Variants in DNAJC6 observed in about 807,000 individuals in gnomAD.
DNAJC6 encodes auxilin.
A neutral mutation model predicts 110.0 loss-of-function variants in DNAJC6; 34 were observed. The observed-to-expected ratio is 0.31, with a 90% CI of 0.24 to 0.41. The LOEUF (loss-of-function observed/expected upper bound fraction) is 0.41. Among genes scored for constraint, DNAJC6 ranks in the 10% least tolerant of loss-of-function variants. The pLI is 1.00. For missense variants in DNAJC6, 1,031 were observed against 1,207.8 expected (o/e 0.85, Z 2.17); for synonymous variants, 406 against 437.2 (o/e 0.93, Z 0.89).
At chr1:65,386,330 T>C (rs1164876309) in intron 7 of DNAJC6, among the ~76,000 whole-genome samples, 3 of 152,114 alleles carry the variant, frequency 2.0e-5, no homozygotes, top group African/African-American at 7.2e-5. Flanking sequence ...TGGGTGGTCA[T>C]AGGGGATGTG....
At chr1:65,300,043 C>CAAAAAAA (rs59681451) in intron 1 of DNAJC6, among the ~76,000 whole-genome samples, 4 of 112,042 alleles carry the variant, frequency 3.6e-5, no homozygotes, top group Admixed American at 8.8e-5. Flanking sequence ...AACTCCATCT[C>CAAAAAAA]AAAAAAAAAA....
intron 1 of DNAJC6, among the ~76,000 whole-genome samples, chr1:65,271,843 C>T (rs1653516055): frequency 6.7e-6 from 1 of 148,622 alleles, no homozygotes; most frequent in South Asian, 2.2e-4. Flanking sequence ...TACACTCCAG[C>T]CTGGGCAACA....
intron 15 of DNAJC6, 135 bp from the exon 16 acceptor site, chr1:65,405,735 A>G: frequency 9.6e-7 from 1 of 1,037,664 alleles, no homozygotes; most frequent in Non-Finnish European, 1.4e-6. Context: ...CAATTGCTTT[A>G]TCTATATTAG....
At chr1:65,403,665 T>C (rs1354903705) in intron 15 of DNAJC6, among the ~76,000 whole-genome samples, 5 of 152,208 alleles carry the variant, frequency 3.3e-5, no homozygotes, top group East Asian at 1.9e-4. Context: ...ACAATCAAGG[T>C]TGAGAACTAC....
intron 1 of DNAJC6, among the ~76,000 whole-genome samples, chr1:65,340,511 G>T (rs1645379524): frequency 6.6e-6 from 1 of 152,168 alleles, no homozygotes; most frequent in African/African-American, 2.4e-5. Flanking sequence ...TAGTGAAAGG[G>T]CATGAGATTT....
At chr1:65,319,365 G>T (rs907983115) in intron 1 of DNAJC6, among the ~76,000 whole-genome samples, 1 of 152,222 alleles carries the variant, frequency 6.6e-6, no homozygotes, top group African/African-American at 2.4e-5. Flanking sequence ...TGTGGTAGAA[G>T]CAGGCCCTGT....
intron 1 of DNAJC6, among the ~76,000 whole-genome samples, chr1:65,292,058 C>T (rs1557501524): frequency 6.6e-6 from 1 of 151,970 alleles, no homozygotes; most frequent in African/African-American, 2.4e-5. Context: ...CTCTTGTTGC[C>T]CAGGCTGGAG....
chr1:65,309,750 G>T lies in DNAJC6; in HGVS notation c.5G>T (p.Ser2Ile). 2 of 1,545,738 alleles carry T rather than the reference G, an allele frequency of 1.3e-6. No individual in the cohort carries two copies. Among genetic ancestry groups the T allele is most frequent in the Non-Finnish European group, 1.7e-6 (2 of 1,144,868 alleles). The change falls in exon 1 of 19, where the codon AGC becomes ATC. Residue 2 changes from serine (S) to isoleucine (I), a missense_variant. Physicochemically the swap from Ser to Ile is moderately radical, Grantham distance 142. Transcript: ENST00000371069. ...CTCTTTTCTCCGGGCTTGCCCATGA[G>T]CCTCCTCGGGAGCTACCGGAAAAAG... MSLLGSYRKKTS... is the reference protein window; with the variant it reads MILLGSYRKKTS...
chr1:65,299,458 G>A (rs1644957283), intron 1 of DNAJC6, among the ~76,000 whole-genome samples: 1 of 152,180 alleles, frequency 6.6e-6, no homozygotes, highest in Non-Finnish European at 1.5e-5. Context: ...GGTCTGTCCT[G>A]AAAGGCAGTC....
chr1:65,308,246 C>A (rs1645062756), upstream of DNAJC6, among the ~76,000 whole-genome samples: 1 of 152,188 alleles, frequency 6.6e-6, no homozygotes, highest in Non-Finnish European at 1.5e-5. Flanking sequence ...GAAAGCAAAG[C>A]TGGCTTTGTG....
chr1:65,306,748 G>C (rs1645042441), upstream of DNAJC6, among the ~76,000 whole-genome samples: 1 of 152,118 alleles, frequency 6.6e-6, no homozygotes, highest in East Asian at 1.9e-4. Flanking sequence ...TGTTCACCTT[G>C]TGTTTGACCA....
chr1:65,295,049 T>C (rs1557503312), intron 1 of DNAJC6, among the ~76,000 whole-genome samples: 1 of 152,344 alleles, frequency 6.6e-6, no homozygotes, highest in South Asian at 2.1e-4. Flanking sequence ...AATCCAATTA[T>C]GTGAGGAAAT....
chr1:65,406,201 T>A (rs1646075052), intron 16 of DNAJC6, 68 bp downstream of exon 16: 1 of 1,544,524 alleles, frequency 6.5e-7, no homozygotes, highest in Admixed American at 1.9e-5. Context: ...CCTGAATGTG[T>A]CTCTCTGAAG....
chr1:65,343,541 T>G lies in DNAJC6; in HGVS notation c.194-21094T>G, dbSNP rs1645408776. Among the ~76,000 whole-genome samples the G allele has an allele frequency of 2.0e-5, 3 of 152,176 alleles. No individual in the cohort carries two copies. In the South Asian group the frequency reaches 6.2e-4, roughly 32 times the overall value. ...ATCATCCCTTTGTCCAGTGTTATGT[T>G]ACTGCATATTAGTCACTTAGTAGTT... On this transcript the variant is annotated intron_variant, in intron 1 of 18. Transcript: ENST00000371069.
upstream of DNAJC6, among the ~76,000 whole-genome samples, chr1:65,305,158 A>G (rs1458853398): frequency 6.6e-6 from 1 of 152,260 alleles, no homozygotes; most frequent in African/African-American, 2.4e-5. Context: ...CAGAGAGAAC[A>G]GAGTAGAAGC....
At chr1:65,407,413 A>G (rs1646087094) in intron 16 of DNAJC6, among the ~76,000 whole-genome samples, 1 of 152,192 alleles carries the variant, frequency 6.6e-6, no homozygotes, top group South Asian at 2.1e-4. Flanking sequence ...AAGCTGTGAC[A>G]CAGATCGATG....
At chr1:65,284,662 C>G (rs1653956360) in intron 1 of DNAJC6, among the ~76,000 whole-genome samples, 2 of 151,884 alleles carry the variant, frequency 1.3e-5, no homozygotes, top group Non-Finnish European at 2.9e-5. Context: ...TTTGGAGAAC[C>G]AAATTATTTT....
chr1:65,330,583 C>G (rs1487988660), intron 1 of DNAJC6, among the ~76,000 whole-genome samples: 1 of 152,142 alleles, frequency 6.6e-6, no homozygotes, highest in East Asian at 1.9e-4. Flanking sequence ...ATTCTCCTGC[C>G]TCAGCCTCCC....
At chr1:65,352,461 C>A (rs951309006) in intron 1 of DNAJC6, among the ~76,000 whole-genome samples, 9 of 152,176 alleles carry the variant, frequency 5.9e-5, no homozygotes, top group Non-Finnish European at 1.0e-4. Flanking sequence ...ACAGAGCCTG[C>A]CTGCTTGCAC....
Sources: gnomAD v4.1 joint callset for allele counts (sites outside exome capture counted in the v4.1 genomes callset) on GRCh38, gnomAD v4.1.1 for gene constraint, MANE v1.5 for transcripts, NCBI Gene and HGNC (gene_info 2026-07-23, HGNC 2026-07-21) for gene names.